Variants in KSR2 observed in about 807,000 individuals in gnomAD.
KSR2 encodes kinase suppressor of ras 2.
In KSR2, 25 loss-of-function variants were observed where a neutral mutation model predicts 107.8. That is an observed-to-expected ratio of 0.23 (90% CI 0.17 to 0.32). KSR2 has a LOEUF of 0.32. KSR2 is among the 10% of genes least tolerant of loss of function. KSR2 has a pLI of 1.00. For missense variants in KSR2, 887 were observed against 1,268.9 expected, an observed-to-expected ratio of 0.70 and a Z score of 4.57; for synonymous variants, 480 against 507.0, an observed-to-expected ratio of 0.95 and a Z score of 0.71.
rs372707343 is a variant in KSR2, at chr12:117,866,912, G to T, written c.181-6481C>A. Among the ~76,000 whole-genome samples, 19 of 152,248 alleles carry T rather than the reference G, an allele frequency of 1.2e-4. No individual in the cohort carries two copies. The East Asian group carries it at 3.7e-3, about 29-fold the overall frequency. ...AGTATGATGGTGGTATCAAACTGATGCATTTGGAGAAACACTGTCCTACAA... is the reference window on the plus strand; with the variant it reads ...AGTATGATGGTGGTATCAAACTGATTCATTTGGAGAAACACTGTCCTACAA... On this transcript the variant is annotated intron_variant, in intron 1 of 19. Coordinates refer to ENST00000339824, the MANE Select transcript of KSR2 (RefSeq NM_173598.6).
intron 1 of KSR2, among the ~76,000 whole-genome samples, chr12:117,939,434 C>A (rs539380977): frequency 1.3e-5 from 2 of 152,068 alleles, no homozygotes; most frequent in African/African-American, 4.8e-5. Flanking sequence ...GTGGCTGGGT[C>A]GGGTGCGGTG....
chr12:117,551,281 TTCC>T (rs1358077840), intron 9 of KSR2, among the ~76,000 whole-genome samples: 1 of 151,992 alleles, frequency 6.6e-6, no homozygotes, highest in African/African-American at 2.4e-5. Context: ...CCTCCTTCCT[TTCC>T]TCCTCCTTCC....
At chr12:117,771,102 A>G (rs1889436641) in intron 3 of KSR2, among the ~76,000 whole-genome samples, 1 of 152,180 alleles carries the variant, frequency 6.6e-6, no homozygotes, top group South Asian at 2.1e-4. Flanking sequence ...ATGAACATTT[A>G]TACAACATTG....
chr12:117,522,801 G>A (rs2137229964), intron 14 of KSR2, among the ~76,000 whole-genome samples: 1 of 152,292 alleles, frequency 6.6e-6, no homozygotes, highest in South Asian at 2.1e-4. Flanking sequence ...ACACACAGAT[G>A]AGGGCATCTA....
chr12:117,509,006 T>C (rs1457787940), intron 14 of KSR2, among the ~76,000 whole-genome samples: 1 of 148,278 alleles, frequency 6.7e-6, no homozygotes, highest in East Asian at 2.1e-4. Context: ...GGTGATTGGA[T>C]GGGCAGGGGG....
chr12:117,789,781 G>A (rs1338522795), intron 3 of KSR2, among the ~76,000 whole-genome samples: 1 of 152,126 alleles, frequency 6.6e-6, no homozygotes, highest in Non-Finnish European at 1.5e-5. Flanking sequence ...ACTACTGAGT[G>A]TCAGGTACCT....
rs1011284546 is a variant in KSR2, at chr12:117,757,797, TAA to T, written c.986+3212_986+3213del. On this transcript the variant is annotated intron_variant, in intron 4 of 19. Coordinates refer to ENST00000339824, the MANE Select transcript of KSR2 (RefSeq NM_173598.6). Reference sequence around the variant, plus strand: ...TTAAGACATAATGCCATCATACACTTAATAGACTACAGTATGGTATAAAACAT... The same window carrying T: ...TTAAGACATAATGCCATCATACACTTTAGACTACAGTATGGTATAAAACAT... Among the ~76,000 whole-genome samples the T allele has an allele frequency of 5.3e-5, 8 of 152,348 alleles. No homozygotes were observed. In the South Asian group the frequency reaches 1.7e-3, roughly 32 times the overall value.
intron 13 of KSR2, among the ~76,000 whole-genome samples, chr12:117,525,685 T>A (rs1222603905): frequency 6.6e-6 from 1 of 152,214 alleles, no homozygotes; most frequent in Non-Finnish European, 1.5e-5. Context: ...GTGCATGTGA[T>A]AAAGTTGACA....
At chr12:117,692,493 T>C (rs376674579) in intron 4 of KSR2, among the ~76,000 whole-genome samples, 9 of 86,212 alleles carry the variant, frequency 1.0e-4, no homozygotes, top group African/African-American at 3.5e-4. Context: ...TATATATATA[T>C]ATATATATAT....
intron 4 of KSR2, among the ~76,000 whole-genome samples, chr12:117,726,144 G>T (rs1397399689): frequency 1.3e-5 from 2 of 151,672 alleles, no homozygotes; most frequent in African/African-American, 4.8e-5. Context: ...CTCCAGCCTG[G>T]GTGACAGAGC....
In KSR2 at chr12:117,456,406, G is replaced by A. The variant is rs1195890677; in HGVS notation, c.*10793C>T. 6.6e-6 allele frequency: 1 copy of A among 152,194 alleles called. No individual in the cohort carries two copies. The highest frequency in any genetic ancestry group is 1.5e-5 in the Non-Finnish European group (1 of 68,052). The allele number at this position is 152,194 out of a possible 1,614,324, so 9.4% of individuals were successfully genotyped here. ...ATAGCAGTTACTTGAACTTACACAA[G>A]TTCATATGTACCCATCTAAACATTA... On this transcript the variant is annotated 3_prime_UTR_variant, in exon 20 of 20. Coordinates refer to ENST00000339824, the MANE Select transcript of KSR2 (RefSeq NM_173598.6).
chr12:117,888,284 T>C (rs915329945), intron 1 of KSR2, among the ~76,000 whole-genome samples: 5 of 152,188 alleles, frequency 3.3e-5, no homozygotes, highest in Non-Finnish European at 5.9e-5. Flanking sequence ...TGTATATTTG[T>C]ATTCAAATAT....
At chr12:117,501,652 G>A (rs1481663282) in intron 14 of KSR2, among the ~76,000 whole-genome samples, 1 of 152,190 alleles carries the variant, frequency 6.6e-6, no homozygotes, top group Non-Finnish European at 1.5e-5. Context: ...TTAGGAGTGA[G>A]TTGGGCTAAA....
At chr12:117,472,102 C>T (rs1452662616) in intron 17 of KSR2, among the ~76,000 whole-genome samples, 1 of 151,908 alleles carries the variant, frequency 6.6e-6, no homozygotes, top group Admixed American at 6.6e-5. Context: ...GGGTAGGTTT[C>T]CTGGGTACGT....
chr12:117,832,285 A>AAAAAC (rs112160936), intron 3 of KSR2, among the ~76,000 whole-genome samples: 1,716 of 152,232 alleles, frequency 0.011, 41 homozygotes, highest in East Asian at 0.098. Flanking sequence ...ACTCCATCTC[A>AAAAAC]AAAACAAAAC....
Position 117,493,180 on chromosome 12 carries a change from A to C in KSR2, c.2220-7489T>G, listed in dbSNP as rs192192740. 2.6e-3 allele frequency among the ~76,000 whole-genome samples: 399 copies of C among 152,282 alleles called. 2 individuals are homozygous for C. Among genetic ancestry groups the C allele is most frequent in the African/African-American group, 9.2e-3 (384 of 41,558 alleles). ...TGCTCATATTATCACTAATAATATT[A>C]CCATGAATATTATTGCTAATAATAT... On this transcript the variant is annotated intron_variant, in intron 14 of 19. Coordinates refer to ENST00000339824, the MANE Select transcript of KSR2 (RefSeq NM_173598.6).
At chr12:117,514,226 C>G (rs367626640) in intron 14 of KSR2, among the ~76,000 whole-genome samples, 1 of 152,218 alleles carries the variant, frequency 6.6e-6, no homozygotes, top group Non-Finnish European at 1.5e-5. Flanking sequence ...CTTTCCCCTA[C>G]GGGAGGCATG....
At position 117,855,479 on chromosome 12, in the gene KSR2, A is replaced by G; in HGVS notation, c.421T>C (p.Cys141Arg). The part of the protein sequence containing the change: ...VEKYGANREE[C>R]ARLNASLSCL... ...GAGAGGGAGGCGTTGAGGCGGGCACACTCCTCCCGGTTGGCTCCGTATTTC... is the reference window on the plus strand; with the variant it reads ...GAGAGGGAGGCGTTGAGGCGGGCACGCTCCTCCCGGTTGGCTCCGTATTTC... The change falls in exon 3 of 20, where the codon TGT (cysteine) becomes CGT (arginine). Residue 141 changes from cysteine to arginine, a missense_variant. Around this residue, in one of 8 missense-constraint regions of KSR2, gnomAD observed 399 missense variants for 479.5 expected, o/e 0.83. Transcript: ENST00000339824. The G allele has an allele frequency of 6.2e-7, 1 of 1,612,764 alleles. No individual in the cohort carries two copies. Among genetic ancestry groups the G allele is most frequent in the Non-Finnish European group, 8.5e-7 (1 of 1,179,588 alleles).
At chr12:117,921,035 T>C (rs1047572707) in intron 1 of KSR2, among the ~76,000 whole-genome samples, 1 of 152,222 alleles carries the variant, frequency 6.6e-6, no homozygotes, top group Admixed American at 6.5e-5. Flanking sequence ...AGGGTCTGGT[T>C]CAGAGACCCC....
Sources: gnomAD v4.1 joint callset for allele counts (sites outside exome capture counted in the v4.1 genomes callset) on GRCh38, gnomAD v4.1.1 for gene constraint, gnomAD v4.1.1 regional missense constraint, MANE v1.5 for transcripts, NCBI Gene and HGNC (gene_info 2026-07-23, HGNC 2026-07-21) for gene names.